The following RRP15 variants were observed in gnomAD, a reference collection of about 807,000 sequenced individuals.
The protein encoded by RRP15 is RRP15-like protein.
Under a neutral mutation model 27.1 loss-of-function variants are expected in RRP15, and 18 were observed. That is an observed-to-expected ratio of 0.66 (90% CI 0.46 to 0.98). The LOEUF (loss-of-function observed/expected upper bound fraction) is 0.98, where lower values mean the gene tolerates loss of function less well. Among genes scored for constraint, RRP15 ranks in the 50% least tolerant of loss-of-function variants. RRP15 has a pLI of 0.00. For missense variants in RRP15, 359 were observed against 337.8 expected, an observed-to-expected ratio of 1.06 and a Z score of -0.49; for synonymous variants, 107 against 109.4, an observed-to-expected ratio of 0.98 and a Z score of 0.14.
chr1:218,318,238 TA>T (rs1056084639), intron 4 of RRP15, among the ~76,000 whole-genome samples: 1 of 151,674 alleles, frequency 6.6e-6, no homozygotes, highest in Non-Finnish European at 1.5e-5. Context: ...TTCTCTTTTT[TA>T]AAAAAAAATC....
intron 4 of RRP15, among the ~76,000 whole-genome samples, chr1:218,320,657 C>T (rs1656173274): frequency 6.6e-6 from 1 of 151,834 alleles, no homozygotes; most frequent in African/African-American, 2.4e-5. Flanking sequence ...CACATTTTGC[C>T]ATAAACGTTT....
rs1469156456 is a variant in RRP15 at position 218,331,109 on chromosome 1, A to G, written c.*18A>G. The G allele has an allele frequency of 1.9e-6, 3 of 1,597,506 alleles. No homozygotes were observed. Among genetic ancestry groups the G allele is most frequent in the Non-Finnish European group, 2.6e-6 (3 of 1,171,680 alleles). On this transcript the variant is annotated 3_prime_UTR_variant, in exon 5 of 5. Transcript: ENST00000366932. ...ATACATAAAGCATCATAGGAAATAC[A>G]ATTGCAGTCGTTTTATTTTTTCTAG... is the stretch of plus-strand genomic sequence containing the variant.
chr1:218,305,408 ATGCT>A (rs541838413), intron 3 of RRP15, among the ~76,000 whole-genome samples: 110 of 152,324 alleles, frequency 7.2e-4, no homozygotes, highest in South Asian at 5.8e-3. Context: ...TTCTCTTATG[ATGCT>A]TGTCTAAATT....
At chr1:218,318,442 A>C (rs1271552998) in intron 4 of RRP15, among the ~76,000 whole-genome samples, 1 of 152,114 alleles carries the variant, frequency 6.6e-6, no homozygotes, top group Non-Finnish European at 1.5e-5. Flanking sequence ...GTTGTCTTGA[A>C]GAATGAATAA....
intron 4 of RRP15, among the ~76,000 whole-genome samples, chr1:218,311,329 A>G (rs1317040623): frequency 6.6e-6 from 1 of 152,184 alleles, no homozygotes; most frequent in African/African-American, 2.4e-5. Flanking sequence ...CCAACATAGT[A>G]TATTAAAATT....
chr1:218,306,806 TG>T (rs1655906572), intron 3 of RRP15, among the ~76,000 whole-genome samples: 1 of 152,216 alleles, frequency 6.6e-6, no homozygotes, highest in Admixed American at 6.5e-5. Flanking sequence ...ATTCATCATG[TG>T]GTCAGTATGA....
chr1:218,312,569 G>A (rs1656020514), intron 4 of RRP15, among the ~76,000 whole-genome samples: 1 of 151,972 alleles, frequency 6.6e-6, no homozygotes, highest in South Asian at 2.1e-4. Flanking sequence ...TTGGTTCTAT[G>A]GAATGAATCA....
At chr1:218,287,625 G>C (rs1357375170) in intron 1 of RRP15, among the ~76,000 whole-genome samples, 3 of 152,084 alleles carry the variant, frequency 2.0e-5, no homozygotes, top group Non-Finnish European at 2.9e-5. Flanking sequence ...TCAAGATCAT[G>C]GTTCAATTTT....
rs760472487 is a variant in RRP15, at chr1:218,302,576, C to A, written c.405+17C>A. 7 of 1,606,226 alleles carry A rather than the reference C, an allele frequency of 4.4e-6. No individual in the cohort carries two copies. The highest frequency in any genetic ancestry group is 3.6e-4 in the Middle Eastern group (2 of 5,542). Reference sequence around the variant, plus strand: ...ATAAAACAGGTATGTTCCACCAGTTCTCTTGTAGATTAGATTGTTTGTCTA... The same window carrying A: ...ATAAAACAGGTATGTTCCACCAGTTATCTTGTAGATTAGATTGTTTGTCTA... On this transcript the variant is annotated intron_variant, in intron 2 of 4. Coordinates refer to ENST00000366932, the MANE Select transcript of RRP15 (RefSeq NM_016052.4).
chr1:218,299,335 G>A (rs938074310), intron 1 of RRP15, among the ~76,000 whole-genome samples: 1 of 152,064 alleles, frequency 6.6e-6, no homozygotes, highest in Non-Finnish European at 1.5e-5. Context: ...TTGGTGGGGT[G>A]AGTGCAGGTT....
intron 1 of RRP15, among the ~76,000 whole-genome samples, chr1:218,294,619 G>A (rs1307764341): frequency 6.6e-6 from 1 of 152,056 alleles, no homozygotes; most frequent in African/African-American, 2.4e-5. Context: ...ACCTCCAGGA[G>A]TTCGGCTATC....
At chr1:218,311,988 G>A in intron 4 of RRP15, among the ~76,000 whole-genome samples, 1 of 152,190 alleles carries the variant, frequency 6.6e-6, no homozygotes, top group East Asian at 1.9e-4. Flanking sequence ...GACCATGGAG[G>A]AATAGGTGGG....
At chr1:218,298,783 T>C (rs1655762213) in intron 1 of RRP15, among the ~76,000 whole-genome samples, 1 of 152,228 alleles carries the variant, frequency 6.6e-6, no homozygotes, top group Non-Finnish European at 1.5e-5. Context: ...ACATTTGAAA[T>C]ACTCAATAGG....
At chr1:218,289,761 C>T (rs1354604122) in intron 1 of RRP15, among the ~76,000 whole-genome samples, 1 of 152,196 alleles carries the variant, frequency 6.6e-6, no homozygotes, top group African/African-American at 2.4e-5. Flanking sequence ...CAGGTCACCC[C>T]AACCTCCACC....
chr1:218,330,012 G>T (rs1343218670), intron 4 of RRP15, among the ~76,000 whole-genome samples: 1 of 151,872 alleles, frequency 6.6e-6, no homozygotes. Flanking sequence ...AAATGTCATG[G>T]GTTCTTGTAC....
chr1:218,301,803 A>G (rs1655815152), intron 1 of RRP15: 1 of 152,350 alleles, frequency 6.6e-6, no homozygotes, highest in South Asian at 2.1e-4. Flanking sequence ...TCTGCATACA[A>G]ATTCAGAATT....
Position 218,296,936 on chromosome 1 carries a change from A to G in RRP15, c.140-5358A>G, listed in dbSNP as rs181784364. Among the ~76,000 whole-genome samples the G allele has an allele frequency of 4.0e-3, 606 of 152,136 alleles. 2 individuals carry two copies. Among genetic ancestry groups the G allele is most frequent in the Non-Finnish European group, 6.6e-3 (449 of 67,990 alleles). ...CCTCTATTTCTTGACATCAATTTTTAAGCTCTCTTCTCTGTTCCCCAGGTC... is the reference window on the plus strand; with the variant it reads ...CCTCTATTTCTTGACATCAATTTTTGAGCTCTCTTCTCTGTTCCCCAGGTC... On this transcript the variant is annotated intron_variant, in intron 1 of 4. Transcript: ENST00000366932.
chr1:218,320,389 C>A (rs1245726593), intron 4 of RRP15, among the ~76,000 whole-genome samples: 1 of 152,102 alleles, frequency 6.6e-6, no homozygotes, highest in African/African-American at 2.4e-5. Flanking sequence ...AGGACATGAA[C>A]TCATCATTTT....
At chr1:218,303,452 C>T (rs770474682) in intron 2 of RRP15, among the ~76,000 whole-genome samples, 18 of 152,114 alleles carry the variant, frequency 1.2e-4, no homozygotes, top group Non-Finnish European at 2.4e-4. Flanking sequence ...AAGTATTGCT[C>T]TTAGAAACAC....
Sources: gnomAD v4.1 joint callset for allele counts (sites outside exome capture counted in the v4.1 genomes callset) on GRCh38, gnomAD v4.1.1 for gene constraint, MANE v1.5 for transcripts, NCBI Gene and HGNC (gene_info 2026-07-23, HGNC 2026-07-21) for gene names.